The following BAIAP2L1 variants were observed in gnomAD, a reference collection of about 807,000 sequenced individuals.
The protein encoded by BAIAP2L1 is BAR/IMD domain containing adaptor protein 2 like 1, also known as BAR/IMD domain-containing adapter protein 2-like 1.
Under a neutral mutation model 66.3 loss-of-function variants are expected in BAIAP2L1, and 35 were observed. That is an observed-to-expected ratio of 0.53 (90% CI 0.40 to 0.70). BAIAP2L1 has a LOEUF of 0.70. Among genes scored for constraint, BAIAP2L1 ranks in the 30% least tolerant of loss-of-function variants. The probability of loss-of-function intolerance (pLI) is 0.00; values close to 1 mark genes in which losing one functional copy is unlikely to be tolerated. For missense variants in BAIAP2L1, 622 were observed against 656.9 expected, an observed-to-expected ratio of 0.95 and a Z score of 0.58; for synonymous variants, 269 against 248.7, an observed-to-expected ratio of 1.08 and a Z score of -0.77.
intron 12 of BAIAP2L1, among the ~76,000 whole-genome samples, chr7:98,295,299 T>TC: frequency 6.6e-6 from 1 of 152,206 alleles, no homozygotes; most frequent in South Asian, 2.1e-4. Context: ...TGTCCCACCC[T>TC]CCCCAGATCC....
At chr7:98,349,625 C>G (rs548479666) in intron 3 of BAIAP2L1, among the ~76,000 whole-genome samples, 3 of 152,032 alleles carry the variant, frequency 2.0e-5, no homozygotes, top group African/African-American at 7.2e-5. Flanking sequence ...GTAATCCCAG[C>G]ACTTTGGGAG....
chr7:98,310,373 ATATT>A, intron 9 of BAIAP2L1, 68 bp downstream of exon 9: 2 of 1,501,612 alleles, frequency 1.3e-6, no homozygotes, highest in Non-Finnish European at 1.8e-6. Context: ...TTTATACAAA[ATATT>A]TATTTCACAG....
chr7:98,304,739 G>A (rs887473993), intron 11 of BAIAP2L1, among the ~76,000 whole-genome samples: 4 of 151,622 alleles, frequency 2.6e-5, no homozygotes, highest in Admixed American at 6.6e-5. Context: ...AGTTGAGATG[G>A]GGTTTCACCA....
At chr7:98,337,683 TGAG>T (rs1801645656) in intron 3 of BAIAP2L1, among the ~76,000 whole-genome samples, 1 of 151,692 alleles carries the variant, frequency 6.6e-6, no homozygotes, top group Admixed American at 6.6e-5. Flanking sequence ...TTTGGGAGGC[TGAG>T]AAGGGTGGAT....
intron 1 of BAIAP2L1, among the ~76,000 whole-genome samples, chr7:98,366,624 T>A (rs1231409228): frequency 4.6e-5 from 7 of 152,204 alleles, no homozygotes; most frequent in Admixed American, 4.6e-4. Flanking sequence ...TCCTTTGCCA[T>A]CATTTTAATG....
At chr7:98,393,774 C>T (rs1188926436) in intron 1 of BAIAP2L1, among the ~76,000 whole-genome samples, 3 of 148,900 alleles carry the variant, frequency 2.0e-5, no homozygotes, top group Admixed American at 1.3e-4. Context: ...CGTGAGCCAC[C>T]GCGCCTGGTT....
intron 12 of BAIAP2L1, among the ~76,000 whole-genome samples, chr7:98,298,379 G>A (rs1350864013): frequency 4.6e-5 from 7 of 152,176 alleles, no homozygotes; most frequent in African/African-American, 1.7e-4. Context: ...TTGGGAGGCC[G>A]AGGCAGACGG....
At chr7:98,373,930 T>C (rs1478145845) in intron 1 of BAIAP2L1, among the ~76,000 whole-genome samples, 1 of 152,148 alleles carries the variant, frequency 6.6e-6, no homozygotes, top group African/African-American at 2.4e-5. Context: ...GAAGGTGTTA[T>C]GATCTTCTGC....
chr7:98,300,290 G>A (rs183186288), intron 12 of BAIAP2L1, among the ~76,000 whole-genome samples: 15 of 152,288 alleles, frequency 9.8e-5, no homozygotes, highest in Admixed American at 8.5e-4. Context: ...CGCCCTTGGA[G>A]CAGCACCAAT....
intron 1 of BAIAP2L1, among the ~76,000 whole-genome samples, chr7:98,393,167 G>A (rs200217796): frequency 3.7e-5 from 3 of 81,200 alleles, no homozygotes; most frequent in African/African-American, 9.4e-5. Flanking sequence ...ACACATATAT[G>A]TATATATATA....
intron 3 of BAIAP2L1, among the ~76,000 whole-genome samples, chr7:98,337,122 C>A (rs138971149): frequency 8.1e-4 from 124 of 152,250 alleles, no homozygotes; most frequent in African/African-American, 2.6e-3. Flanking sequence ...AAACTCTTCA[C>A]GGGGTCACGG....
intron 11 of BAIAP2L1, among the ~76,000 whole-genome samples, chr7:98,304,597 G>A (rs952369269): frequency 6.6e-6 from 1 of 152,022 alleles, no homozygotes; most frequent in Admixed American, 6.6e-5. Flanking sequence ...ACCCAGGCTG[G>A]AGTGCAATGA....
intron 3 of BAIAP2L1, among the ~76,000 whole-genome samples, chr7:98,330,316 G>A (rs542640221): frequency 3.3e-5 from 5 of 152,302 alleles, no homozygotes; most frequent in Non-Finnish European, 5.9e-5. Flanking sequence ...GTGTTAGTCC[G>A]TTTTGTGTTG....
At position 98,393,127 on chromosome 7, in the gene BAIAP2L1, ATATACACACATATG is replaced by A. The variant is rs1175472052; in HGVS notation, c.51+7661_51+7674del. ...TACATATATGTACACATATATGTAT[ATATACACACATATG>A]TGTACATATATATGTACACATATAT... On this transcript the variant is annotated intron_variant, in intron 1 of 13. Transcript: ENST00000005260. Among the ~76,000 whole-genome samples the A allele has an allele frequency of 1.1e-4, 11 of 99,086 alleles. 3 individuals are homozygous for A. The highest frequency in any genetic ancestry group is 2.8e-4 in the South Asian group (1 of 3,606). 65.0% of individuals were successfully genotyped at this position (99,086 alleles called of 152,430 possible).
At chr7:98,380,364 C>T (rs529313551) in intron 1 of BAIAP2L1, among the ~76,000 whole-genome samples, 4 of 152,152 alleles carry the variant, frequency 2.6e-5, no homozygotes, top group South Asian at 2.1e-4. Flanking sequence ...ACTGGACTTA[C>T]GGTTCCACAT....
At chr7:98,354,923 G>C in intron 3 of BAIAP2L1, 119 bp downstream of exon 3, 1 of 756,548 alleles carries the variant, frequency 1.3e-6, no homozygotes, top group African/African-American at 1.7e-5. Flanking sequence ...CGGTGAAGTA[G>C]AACCACAGCA....
At chr7:98,387,880 AAAC>A (rs35754545) in intron 1 of BAIAP2L1, among the ~76,000 whole-genome samples, 38,024 of 151,748 alleles carry the variant, frequency 0.25, 4,983 homozygotes, top group East Asian at 0.45. Context: ...AAACAAAACA[AAAC>A]AACAACAACA....
chr7:98,293,668 A>G, intron 13 of BAIAP2L1, 72 bp from the exon 14 acceptor site: 1 of 1,454,314 alleles, frequency 6.9e-7, no homozygotes, highest in East Asian at 2.3e-5. Context: ...AGTGCTAATA[A>G]CCCGTTCTTG....
intron 3 of BAIAP2L1, among the ~76,000 whole-genome samples, chr7:98,337,971 C>T (rs1801651599): frequency 1.3e-5 from 2 of 152,020 alleles, no homozygotes; most frequent in African/African-American, 4.8e-5. Flanking sequence ...TATTACAATG[C>T]CTATTTTACT....
Sources: gnomAD v4.1 joint callset for allele counts (sites outside exome capture counted in the v4.1 genomes callset) on GRCh38, gnomAD v4.1.1 for gene constraint, MANE v1.5 for transcripts, NCBI Gene and HGNC (gene_info 2026-07-23, HGNC 2026-07-21) for gene names.